RSPO3: variants seen among roughly 807,000 people sequenced by gnomAD.
The protein encoded by RSPO3 is R-spondin-3.
RSPO3 carries 17 observed loss-of-function variants against 36.5 expected under a neutral mutation model. That is an observed-to-expected ratio of 0.47 (90% CI 0.32 to 0.70). RSPO3 has a LOEUF of 0.70. Among genes scored for constraint, RSPO3 ranks in the 30% least tolerant of loss-of-function variants. RSPO3 has a pLI of 0.04. For missense variants in RSPO3, 294 were observed against 322.5 expected, an observed-to-expected ratio of 0.91 and a Z score of 0.68; for synonymous variants, 108 against 107.0, an observed-to-expected ratio of 1.01 and a Z score of -0.06.
chr6:127,150,985 A>G (rs961835670), intron 3 of RSPO3, among the ~76,000 whole-genome samples: 6 of 151,770 alleles, frequency 4.0e-5, no homozygotes, highest in Non-Finnish European at 7.4e-5. Flanking sequence ...TTTACCTTAG[A>G]GCAACAGTTT....
At chr6:127,123,192 T>C (rs1372983364) in intron 1 of RSPO3, among the ~76,000 whole-genome samples, 1 of 152,184 alleles carries the variant, frequency 6.6e-6, no homozygotes, top group Admixed American at 6.5e-5. Flanking sequence ...ACACCCTTTG[T>C]GATTATGTTG....
At chr6:127,131,969 G>C (rs1424810614) in intron 1 of RSPO3, among the ~76,000 whole-genome samples, 3 of 152,056 alleles carry the variant, frequency 2.0e-5, no homozygotes, top group Non-Finnish European at 2.9e-5. Context: ...AACTAAAGTG[G>C]CTGTTCAAAC....
At chr6:127,185,868 C>T (rs1436492257) in intron 4 of RSPO3, among the ~76,000 whole-genome samples, 2 of 152,040 alleles carry the variant, frequency 1.3e-5, no homozygotes, top group Non-Finnish European at 2.9e-5. Flanking sequence ...TGAGGCCATC[C>T]GCTCCTGTCC....
At chr6:127,137,947 C>T (rs1774193737) in intron 1 of RSPO3, among the ~76,000 whole-genome samples, 1 of 152,116 alleles carries the variant, frequency 6.6e-6, no homozygotes, top group South Asian at 2.1e-4. Context: ...ATGATCAGTA[C>T]CTAGAAGACT....
At chr6:127,153,722 C>T (rs1248318596) in intron 3 of RSPO3, among the ~76,000 whole-genome samples, 1 of 152,100 alleles carries the variant, frequency 6.6e-6, no homozygotes, top group Non-Finnish European at 1.5e-5. Flanking sequence ...ATTCAGTCCT[C>T]TTAATTCTGG....
intron 1 of RSPO3, among the ~76,000 whole-genome samples, chr6:127,144,656 T>TTTTTTTTTTTTTTC (rs1554220622): frequency 7.4e-5 from 11 of 147,704 alleles, no homozygotes. Flanking sequence ...TTTTTTTTTT[T>TTTTTTTTTTTTTTC]CAGACAGAGT....
intron 1 of RSPO3, among the ~76,000 whole-genome samples, chr6:127,135,482 T>C (rs886149580): frequency 6.8e-6 from 1 of 147,952 alleles, no homozygotes; most frequent in African/African-American, 2.5e-5. Flanking sequence ...TGATTGGTAA[T>C]GGTAGCAGTA....
chr6:127,170,797 T>C (rs1774920487), intron 4 of RSPO3, among the ~76,000 whole-genome samples: 1 of 151,832 alleles, frequency 6.6e-6, no homozygotes, highest in Admixed American at 6.6e-5. Context: ...AAATACTATA[T>C]GATTTTACTT....
intron 4 of RSPO3, among the ~76,000 whole-genome samples, chr6:127,180,429 G>C (rs186659244): frequency 7.9e-6 from 1 of 126,346 alleles, no homozygotes. Context: ...TAAAAGACCA[G>C]CCCTCTGCAC....
chr6:127,184,998 C>T (rs564309794), intron 4 of RSPO3, among the ~76,000 whole-genome samples: 1 of 152,018 alleles, frequency 6.6e-6, no homozygotes, highest in East Asian at 1.9e-4. Context: ...CAAACCTACC[C>T]TCATCAATAA....
intron 4 of RSPO3, among the ~76,000 whole-genome samples, chr6:127,157,467 CTGGCATTTATCTCATCT>C (rs1007841104): frequency 1.3e-5 from 2 of 151,930 alleles, no homozygotes; most frequent in Non-Finnish European, 2.9e-5. Context: ...ACTGTTAAAA[CTGGCATTTATCTCATCT>C]AGAAAGAGAT....
intron 4 of RSPO3, among the ~76,000 whole-genome samples, chr6:127,191,363 G>A (rs1290887798): frequency 6.6e-6 from 1 of 152,120 alleles, no homozygotes; most frequent in Admixed American, 6.6e-5. Context: ...GGAGGGGTGT[G>A]AACTTGTTGT....
rs148502621 is a variant in RSPO3 at position 127,147,755 on chromosome 6, G to A, written c.98-893G>A. On this transcript the variant is annotated intron_variant, in intron 1 of 4. Coordinates refer to ENST00000356698, the MANE Select transcript of RSPO3 (RefSeq NM_032784.5). Reference sequence around the variant, plus strand: ...CACACTGGTAACTCTTGGAAACCCTGGAATATGTGTAACAGTGATTCTTAA... The same window carrying A: ...CACACTGGTAACTCTTGGAAACCCTAGAATATGTGTAACAGTGATTCTTAA... Among the ~76,000 whole-genome samples the A allele has an allele frequency of 4.6e-3, 705 of 152,162 alleles. 8 individuals are homozygous for A. The highest frequency in any genetic ancestry group is 0.016 in the African/African-American group (671 of 41,530).
intron 3 of RSPO3, among the ~76,000 whole-genome samples, chr6:127,151,259 T>C (rs551701948): frequency 6.6e-6 from 1 of 152,106 alleles, no homozygotes; most frequent in East Asian, 1.9e-4. Flanking sequence ...GGCTGATTAA[T>C]TGCAGGCCAA....
chr6:127,197,686 C>T lies in RSPO3; in HGVS notation c.*1679C>T. The T allele has an allele frequency of 1.3e-6, 1 of 778,708 alleles. No individual in the cohort carries two copies. Among genetic ancestry groups the T allele is most frequent in the Non-Finnish European group, 2.0e-6 (1 of 510,676 alleles). The allele number at this position is 778,708 out of a possible 1,614,324, so 48.2% of individuals were successfully genotyped here. A position where few individuals can be genotyped will look rare whatever the true frequency, so the allele number is the denominator to read the frequency against. On this transcript the variant is annotated 3_prime_UTR_variant, in exon 5 of 5. Coordinates refer to ENST00000356698, the MANE Select transcript of RSPO3 (RefSeq NM_032784.5). ...GGACACCCGTTCTCCACCAGTTGTA[C>T]AGTTCATGTAATCTACTTGGCTTAA...
At chr6:127,125,588 TTG>T (rs1773924148) in intron 1 of RSPO3, among the ~76,000 whole-genome samples, 1 of 152,156 alleles carries the variant, frequency 6.6e-6, no homozygotes, top group South Asian at 2.1e-4. Flanking sequence ...AAATAATAAC[TTG>T]TCTTATTCAA....
At chr6:127,158,526 G>C (rs938922837) in intron 4 of RSPO3, among the ~76,000 whole-genome samples, 16 of 152,244 alleles carry the variant, frequency 1.1e-4, no homozygotes, top group African/African-American at 3.1e-4. Flanking sequence ...CCAAAGGCAA[G>C]ATCTCCAGGG....
rs1288240345 is a variant in RSPO3, at chr6:127,196,667, C to T, written c.*660C>T. On this transcript the variant is annotated 3_prime_UTR_variant, in exon 5 of 5. Coordinates refer to ENST00000356698, the MANE Select transcript of RSPO3 (RefSeq NM_032784.5). ...GAAGAAATCATAGAGCTGGAGACTA[C>T]TTTTGTGCTTTACAAAACTGTGAAG... 6.6e-6 allele frequency: 1 copy of T among 152,232 alleles called. No homozygotes were observed. Among genetic ancestry groups the T allele is most frequent in the Non-Finnish European group, 1.5e-5 (1 of 68,062 alleles). The allele number at this position is 152,232 out of a possible 1,614,324, so 9.4% of individuals were successfully genotyped here. A position where few individuals can be genotyped will look rare whatever the true frequency, so the allele number is the denominator to read the frequency against.
At chr6:127,186,377 C>G (rs898691590) in intron 4 of RSPO3, among the ~76,000 whole-genome samples, 1 of 152,050 alleles carries the variant, frequency 6.6e-6, no homozygotes, top group African/African-American at 2.4e-5. Flanking sequence ...TCACTATGCT[C>G]AGTCATGAGA....
Sources: allele counts gnomAD v4.1 joint callset (sites outside exome capture counted in the v4.1 genomes callset), GRCh38; gene constraint gnomAD v4.1.1; transcripts MANE v1.5; gene names NCBI Gene and HGNC (gene_info 2026-07-23, HGNC 2026-07-21).